Variants in ZFYVE1 observed in about 807,000 individuals in gnomAD.
The protein encoded by ZFYVE1 is zinc finger FYVE domain-containing protein 1.
Under a neutral mutation model 74.4 loss-of-function variants are expected in ZFYVE1, and 30 were observed. The observed-to-expected ratio is 0.40, with a 90% CI of 0.30 to 0.55. The LOEUF (loss-of-function observed/expected upper bound fraction) is 0.55. Among genes scored for constraint, ZFYVE1 ranks in the 20% least tolerant of loss-of-function variants. The probability of loss-of-function intolerance (pLI) is 0.42; values close to 1 mark genes in which losing one functional copy is unlikely to be tolerated. For missense variants in ZFYVE1, 703 were observed against 1,011.6 expected, an observed-to-expected ratio of 0.69 and a Z score of 4.14; for synonymous variants, 335 against 385.1, an observed-to-expected ratio of 0.87 and a Z score of 1.52.
intron 11 of ZFYVE1, among the ~76,000 whole-genome samples, chr14:72,973,465 G>C (rs1228130512): frequency 1.3e-5 from 2 of 151,838 alleles, no homozygotes; most frequent in Non-Finnish European, 2.9e-5. Flanking sequence ...CTCCAGCCTG[G>C]GTGACAGAGT....
intron 3 of ZFYVE1, among the ~76,000 whole-genome samples, chr14:72,996,877 C>T (rs1208761384): frequency 3.9e-5 from 6 of 152,126 alleles, no homozygotes; most frequent in African/African-American, 9.7e-5. Flanking sequence ...CTTTGATGAC[C>T]GAATGAACAA....
At chr14:72,984,893 T>C (rs1040631340) in intron 4 of ZFYVE1, among the ~76,000 whole-genome samples, 1 of 152,188 alleles carries the variant, frequency 6.6e-6, no homozygotes, top group Non-Finnish European at 1.5e-5. Context: ...TACCTTTGCA[T>C]CCTCCTCCAA....
rs989136851 is a variant in ZFYVE1, at chr14:73,026,966, C to G, written c.-475G>C. On this transcript the variant is annotated 5_prime_UTR_variant, in exon 1 of 12. Coordinates refer to ENST00000556143, the MANE Select transcript of ZFYVE1 (RefSeq NM_021260.4). ...CCGCAGCAAGGCGGCGTCGGGGGGC[C>G]GCAGGGCGCCAGTGGGGGCAGAGGC... 2.5e-6 allele frequency: 1 copy of G among 398,874 alleles called. No homozygotes were observed. The highest frequency in any genetic ancestry group is 4.4e-6 in the Non-Finnish European group (1 of 226,320). The allele number at this position is 398,874 out of a possible 1,614,324, so 24.7% of individuals were successfully genotyped here.
chr14:73,022,630 T>C (rs1894340232), intron 2 of ZFYVE1, among the ~76,000 whole-genome samples: 1 of 152,220 alleles, frequency 6.6e-6, no homozygotes, highest in Non-Finnish European at 1.5e-5. Flanking sequence ...CTTGGCTATA[T>C]AGTGATTGGT....
intron 2 of ZFYVE1, among the ~76,000 whole-genome samples, chr14:73,013,777 C>T (rs1014851686): frequency 3.4e-5 from 5 of 145,546 alleles, no homozygotes; most frequent in South Asian, 2.3e-4. Flanking sequence ...CATGGTCTCC[C>T]CACATCTTTT....
At chr14:72,981,955 C>T in intron 4 of ZFYVE1, 60 bp from the exon 5 acceptor site, 1 of 1,479,892 alleles carries the variant, frequency 6.8e-7, no homozygotes, top group Non-Finnish European at 9.4e-7. Context: ...CACTTTGGCC[C>T]CCCACTGCAG....
chr14:72,981,146 G>A (rs955048018), intron 5 of ZFYVE1, among the ~76,000 whole-genome samples: 1 of 152,142 alleles, frequency 6.6e-6, no homozygotes, highest in Admixed American at 6.5e-5. Flanking sequence ...TTGAAGTTTC[G>A]GAAGCACTGT....
At chr14:73,002,216 G>C (rs1594853378) in intron 2 of ZFYVE1, among the ~76,000 whole-genome samples, 1 of 152,094 alleles carries the variant, frequency 6.6e-6, no homozygotes, top group South Asian at 2.1e-4. Flanking sequence ...GAAACGTCCA[G>C]AGCAGGCAGA....
At chr14:72,994,322 CAAAAAAA>C (rs71109776) in intron 3 of ZFYVE1, among the ~76,000 whole-genome samples, 1,223 of 31,086 alleles carry the variant, frequency 0.039, 25 homozygotes, top group African/African-American at 0.13. Context: ...GACGCTGTCT[CAAAAAAA>C]AAAAAAAAAA....
chr14:72,990,139 T>C (rs1893573698), intron 4 of ZFYVE1, among the ~76,000 whole-genome samples: 1 of 152,206 alleles, frequency 6.6e-6, no homozygotes, highest in Admixed American at 6.5e-5. Context: ...GCATTTTTAA[T>C]TTAAAGGATG....
At chr14:72,988,415 T>C (rs961771002) in intron 4 of ZFYVE1, among the ~76,000 whole-genome samples, 4 of 152,014 alleles carry the variant, frequency 2.6e-5, no homozygotes, top group Non-Finnish European at 5.9e-5. Context: ...CCTCAGGTGA[T>C]CTGCCTGCTT....
At chr14:73,002,226 A>G (rs1172038908) in intron 2 of ZFYVE1, among the ~76,000 whole-genome samples, 2 of 151,386 alleles carry the variant, frequency 1.3e-5, no homozygotes, top group African/African-American at 4.9e-5. Flanking sequence ...GAGCAGGCAG[A>G]TTCATAGACA....
chr14:72,990,460 G>A (rs1335916220), intron 4 of ZFYVE1, among the ~76,000 whole-genome samples: 1 of 151,532 alleles, frequency 6.6e-6, no homozygotes, highest in Non-Finnish European at 1.5e-5. Flanking sequence ...GCGGTGGCAA[G>A]ATCTCAGCTC....
chr14:72,975,205 T>G lies in ZFYVE1; in HGVS notation c.1807-246A>C. On this transcript the variant is annotated intron_variant, in intron 9 of 11. Transcript: ENST00000556143. This position sits in a 1 kb window ranked among gnomAD's most constrained non-coding sequence, Gnocchi z 4.1. ...TCTCTTGCTCTGGGTGCTGTAGCGT[T>G]AATGGATCAAGCTGAGGATGACCCT... 1 of 523,874 alleles carries G rather than the reference T, an allele frequency of 1.9e-6. No homozygotes were observed. Among genetic ancestry groups the G allele is most frequent in the Non-Finnish European group, 3.3e-6 (1 of 300,882 alleles). 32.5% of individuals were successfully genotyped at this position (523,874 alleles called of 1,614,324 possible). A position where few individuals can be genotyped will look rare whatever the true frequency, so the allele number is the denominator to read the frequency against.
Position 73,013,607 on chromosome 14 carries a change from A to G in ZFYVE1, c.483+10419T>C, listed in dbSNP as rs79414392. Reference sequence around the variant, plus strand: ...AGAGCGAAACTCCATCTCAAAAAAAAAAAGAAAAAAACAAGAAAAGAAGGG... The same window carrying G: ...AGAGCGAAACTCCATCTCAAAAAAAGAAAGAAAAAAACAAGAAAAGAAGGG... On this transcript the variant is annotated intron_variant, in intron 2 of 11. Coordinates refer to ENST00000556143, the MANE Select transcript of ZFYVE1 (RefSeq NM_021260.4). Among the ~76,000 whole-genome samples the G allele has an allele frequency of 5.8e-3, 883 of 152,164 alleles. 14 individuals carry two copies. Among genetic ancestry groups the G allele is most frequent in the African/African-American group, 0.02 (848 of 41,546 alleles).
intron 8 of ZFYVE1, among the ~76,000 whole-genome samples, chr14:72,976,485 G>A (rs1893172856): frequency 1.3e-5 from 2 of 152,042 alleles, no homozygotes; most frequent in Admixed American, 1.3e-4. Flanking sequence ...GAAAAAGGAG[G>A]AGAAAAATAA....
At chr14:72,973,961 G>T (rs1166147620) in intron 11 of ZFYVE1, 119 bp downstream of exon 11, 1 of 772,220 alleles carries the variant, frequency 1.3e-6, no homozygotes, top group Non-Finnish European at 2.2e-6. Context: ...TTGTGTAATT[G>T]ATTCCTTTAC....
chr14:73,001,178 G>T (rs1893862325), intron 2 of ZFYVE1, among the ~76,000 whole-genome samples: 1 of 151,880 alleles, frequency 6.6e-6, no homozygotes, highest in Non-Finnish European at 1.5e-5. Context: ...AGTATTGGTT[G>T]TTTTTTTCTT....
At chr14:72,996,190 A>G (rs1314698791) in intron 3 of ZFYVE1, among the ~76,000 whole-genome samples, 1 of 152,128 alleles carries the variant, frequency 6.6e-6, no homozygotes, top group Non-Finnish European at 1.5e-5. Flanking sequence ...CAAAGGTAGG[A>G]GTTAAAGTGA....
Sources: allele counts gnomAD v4.1 joint callset (sites outside exome capture counted in the v4.1 genomes callset), GRCh38; gene constraint gnomAD v4.1.1; non-coding constraint Gnocchi (gnomAD v3.1); transcripts MANE v1.5; gene names NCBI Gene and HGNC (gene_info 2026-07-23, HGNC 2026-07-21).